Variants in DCAF6 observed in about 807,000 individuals in gnomAD.
The protein encoded by DCAF6 is DDB1- and CUL4-associated factor 6.
In DCAF6, 54 loss-of-function variants were observed where a neutral mutation model predicts 125.1. The observed-to-expected ratio is 0.43, with a 90% CI of 0.35 to 0.54. The LOEUF (loss-of-function observed/expected upper bound fraction) is 0.54. Ranked by LOEUF, DCAF6 falls within the 20% of genes least tolerant of loss-of-function variation. The pLI, the probability that DCAF6 is intolerant of heterozygous loss-of-function variation, is 0.01. For missense variants in DCAF6, 934 were observed against 1,161.7 expected (o/e 0.80, Z 2.85); for synonymous variants, 371 against 390.4 (o/e 0.95, Z 0.58).
chr1:168,074,393 T>C (rs1425966234), intron 21 of DCAF6, among the ~76,000 whole-genome samples: 1 of 152,136 alleles, frequency 6.6e-6, no homozygotes, highest in African/African-American at 2.4e-5. Flanking sequence ...CCTAGTTCCA[T>C]CTCAGTGATG....
At chr1:167,901,995 T>C in the DCAF6 span, 2 of 1,613,546 alleles carry the variant, frequency 1.2e-6, no homozygotes, top group Non-Finnish European at 8.5e-7. Flanking sequence ...TTACCCCTTC[T>C]ATCTTAGTAA....
In DCAF6 at chr1:168,075,450, C is replaced by G; in HGVS notation, c.*15C>G. On this transcript the variant is annotated 3_prime_UTR_variant, in exon 22 of 22. Coordinates refer to ENST00000367840, the MANE Select transcript of DCAF6 (RefSeq NM_001198956.2). ...ATGAGGAATAATAAACTCTTTTTGG[C>G]AAGCACTTAAATGTTCTGAAATTTG... 1 of 1,583,968 alleles carries G rather than the reference C, an allele frequency of 6.3e-7. No homozygotes were observed. Among genetic ancestry groups the G allele is most frequent in the African/African-American group, 1.4e-5 (1 of 73,424 alleles).
the DCAF6 span, chr1:167,880,093 G>C: frequency 4.4e-6 from 7 of 1,603,984 alleles, no homozygotes; most frequent in Non-Finnish European, 6.0e-6. Context: ...AAGAAAGCTG[G>C]AGATGAGCTG....
At chr1:168,046,375 C>T (rs900091113) in intron 16 of DCAF6, among the ~76,000 whole-genome samples, 1 of 152,076 alleles carries the variant, frequency 6.6e-6, no homozygotes, top group Non-Finnish European at 1.5e-5. Context: ...AAGAATGACT[C>T]TAGGGATAAA....
chr1:167,992,992 G>A (rs892073376), intron 6 of DCAF6, among the ~76,000 whole-genome samples: 1 of 152,048 alleles, frequency 6.6e-6, no homozygotes, highest in African/African-American at 2.4e-5. Flanking sequence ...ACGTAATCTG[G>A]AATTCTAGAC....
Position 167,985,226 on chromosome 1 carries a change from GGT to G in DCAF6, c.439-2259_439-2258del, listed in dbSNP as rs942717091. ...GTGTGTGTGTGGTGTGTGTGTGTGT[GGT>G]GTGTGTGTGCGTGCGCGTGTGCACG... On this transcript the variant is annotated intron_variant, in intron 4 of 21. Coordinates refer to ENST00000367840, the MANE Select transcript of DCAF6 (RefSeq NM_001198956.2). Among the ~76,000 whole-genome samples the G allele has an allele frequency of 2.1e-3, 316 of 151,138 alleles. 2 individuals are homozygous for G. The highest frequency in any genetic ancestry group is 7.2e-3 in the African/African-American group (296 of 41,280).
chr1:167,867,736 T>C, the DCAF6 span, among the ~76,000 whole-genome samples: 1 of 151,564 alleles, frequency 6.6e-6, no homozygotes, highest in Non-Finnish European at 1.5e-5. Context: ...TGTGCCACTA[T>C]CAATAGCAAT....
intron 4 of DCAF6, among the ~76,000 whole-genome samples, chr1:167,981,959 A>G (rs948071563): frequency 5.3e-5 from 8 of 152,254 alleles, no homozygotes; most frequent in Non-Finnish European, 8.8e-5. Context: ...ATTGTTTTCC[A>G]TAGTGGCTGA....
intron 17 of DCAF6, among the ~76,000 whole-genome samples, chr1:168,060,991 T>C (rs1281187238): frequency 6.6e-6 from 1 of 152,254 alleles, no homozygotes; most frequent in African/African-American, 2.4e-5. Flanking sequence ...AACTCTACTT[T>C]CTTAGCAAAA....
intron 12 of DCAF6, among the ~76,000 whole-genome samples, chr1:168,028,242 C>T (rs1686597147): frequency 6.6e-6 from 1 of 152,062 alleles, no homozygotes; most frequent in Non-Finnish European, 1.5e-5. Flanking sequence ...ACAAATTTTT[C>T]CTCTTAAAAA....
At chr1:167,950,095 A>G (rs12134132) in intron 1 of DCAF6, among the ~76,000 whole-genome samples, 91 of 152,296 alleles carry the variant, frequency 6.0e-4, no homozygotes, top group Non-Finnish European at 8.8e-4. Context: ...TTTATCTTCT[A>G]TTCTTAGGTT....
At chr1:167,894,849 C>G in the DCAF6 span, among the ~76,000 whole-genome samples, 1 of 152,112 alleles carries the variant, frequency 6.6e-6, no homozygotes, top group African/African-American at 2.4e-5. Context: ...GAGGATTCAA[C>G]CAATGAAATC....
At chr1:167,929,047 A>G in the DCAF6 span, among the ~76,000 whole-genome samples, 2 of 152,252 alleles carry the variant, frequency 1.3e-5, no homozygotes, top group Non-Finnish European at 2.9e-5. Context: ...TAGAAACATT[A>G]AACAAGTATT....
At chr1:167,931,152 G>A (rs1381995607), upstream of DCAF6, among the ~76,000 whole-genome samples, 2 of 152,080 alleles carry the variant, frequency 1.3e-5, no homozygotes, top group East Asian at 1.9e-4. Flanking sequence ...GGCTGGTCTC[G>A]AACTCCTGAT....
intron 20 of DCAF6, 71 bp downstream of exon 20, chr1:168,066,536 TAA>T (rs1692355936): frequency 4.7e-6 from 5 of 1,068,344 alleles, no homozygotes; most frequent in South Asian, 4.5e-5. Context: ...TAAGAAAAAT[TAA>T]AAGTTATTAG....
chr1:167,941,841 T>C (rs1363254877), intron 1 of DCAF6, among the ~76,000 whole-genome samples: 3 of 152,204 alleles, frequency 2.0e-5, no homozygotes, highest in African/African-American at 7.2e-5. Context: ...CACTTTTAAA[T>C]AGATATCTAT....
chr1:167,951,180 C>T (rs975082081), intron 1 of DCAF6, among the ~76,000 whole-genome samples: 1 of 152,156 alleles, frequency 6.6e-6, no homozygotes, highest in Non-Finnish European at 1.5e-5. Flanking sequence ...CTTTACCTGA[C>T]ACAGAGTGAG....
chr1:168,026,918 G>C (rs1274129477), intron 12 of DCAF6, among the ~76,000 whole-genome samples: 6 of 152,152 alleles, frequency 3.9e-5, no homozygotes, highest in Admixed American at 1.3e-4. Flanking sequence ...GAGAAGAGTA[G>C]AGTGCACTAC....
At chr1:167,924,540 G>GAAAAAA in the DCAF6 span, 2 of 1,243,790 alleles carry the variant, frequency 1.6e-6, no homozygotes, top group East Asian at 2.8e-5. Context: ...TCTGGGACCT[G>GAAAAAA]AAAAAAAAAA....
Sources: allele counts gnomAD v4.1 joint callset (sites outside exome capture counted in the v4.1 genomes callset), GRCh38; gene constraint gnomAD v4.1.1; transcripts MANE v1.5; gene names NCBI Gene and HGNC (gene_info 2026-07-23, HGNC 2026-07-21).